KCNH7: variants seen among roughly 807,000 people sequenced by gnomAD.
KCNH7 encodes potassium voltage-gated channel subfamily H member 7, also known as voltage-gated inwardly rectifying potassium channel KCNH7.
In KCNH7, 49 loss-of-function variants were observed where a neutral mutation model predicts 120.8. The ratio of observed to expected loss-of-function variants is 0.41; its 90% CI spans 0.32 to 0.51. The LOEUF is 0.51. Among genes scored for constraint, KCNH7 ranks in the 20% least tolerant of loss-of-function variants. The probability of loss-of-function intolerance (pLI) is 0.38; values close to 1 mark genes in which losing one functional copy is unlikely to be tolerated. For synonymous variants in KCNH7, 547 were observed against 516.1 expected (o/e 1.06, Z -0.81); for missense variants, 1,097 against 1,446.6 (o/e 0.76, Z 3.92).
chr2:162,666,516 A>G lies in KCNH7; in HGVS notation c.308-129436T>C, dbSNP rs182977302. Reference sequence around the variant, plus strand: ...TGAAAACTTGATCTCTCCTGAGACTATTGTTCCCCTGCTATGTTCAAATAA... The same window carrying G: ...TGAAAACTTGATCTCTCCTGAGACTGTTGTTCCCCTGCTATGTTCAAATAA... On this transcript the variant is annotated intron_variant, in intron 2 of 15. Coordinates refer to ENST00000332142, the MANE Select transcript of KCNH7 (RefSeq NM_033272.4). 1.3e-3 allele frequency among the ~76,000 whole-genome samples: 201 copies of G among 152,134 alleles called. 1 individual carries two copies. The highest frequency in any genetic ancestry group is 5.4e-4 in the Non-Finnish European group (37 of 67,994).
In KCNH7 at chr2:162,504,660, A is replaced by G; in HGVS notation, c.914-3T>C. The stretch of plus-strand genomic sequence containing the variant: ...TGACTTGATATGATTAAAAGGCCCT[A>G]AAAAAATGGAAAGTATTTGTAAGAG... On this transcript the variant is annotated splice_polypyrimidine_tract_variant and splice_region_variant and intron_variant, in intron 5 of 15. Coordinates refer to ENST00000332142, the MANE Select transcript of KCNH7 (RefSeq NM_033272.4). 4 of 1,571,530 alleles carry G rather than the reference A, an allele frequency of 2.5e-6. No individual in the cohort carries two copies. The highest frequency in any genetic ancestry group is 3.5e-6 in the Non-Finnish European group (4 of 1,143,030).
At chr2:162,519,375 G>A (rs1470622440) in intron 3 of KCNH7, among the ~76,000 whole-genome samples, 1 of 151,734 alleles carries the variant, frequency 6.6e-6, no homozygotes, top group East Asian at 2.0e-4. Flanking sequence ...AAAAAAGCAA[G>A]TTTAAACTCC....
chr2:162,782,417 T>A (rs1482339089), intron 2 of KCNH7, among the ~76,000 whole-genome samples: 1 of 152,182 alleles, frequency 6.6e-6, no homozygotes, highest in Non-Finnish European at 1.5e-5. Flanking sequence ...GAATGAGTCA[T>A]GTGGCTATTT....
At chr2:162,768,704 A>G (rs950096381) in intron 2 of KCNH7, among the ~76,000 whole-genome samples, 3 of 152,114 alleles carry the variant, frequency 2.0e-5, no homozygotes. Context: ...TTTTCATAGG[A>G]TTTAGCCAGG....
intron 2 of KCNH7, among the ~76,000 whole-genome samples, chr2:162,832,657 G>T (rs1389092): frequency 0.6 from 91,195 of 151,834 alleles, 28,374 homozygotes; most frequent in South Asian, 0.84. Context: ...GCAGAGATCA[G>T]GTTGCATCTT....
chr2:162,741,724 T>C (rs1044635709), intron 2 of KCNH7, among the ~76,000 whole-genome samples: 74 of 152,138 alleles, frequency 4.9e-4, no homozygotes, highest in Non-Finnish European at 8.8e-5. Flanking sequence ...TATGTTTATG[T>C]AGAGTTTTAT....
chr2:162,463,785 T>TA (rs66479312), intron 6 of KCNH7, among the ~76,000 whole-genome samples: 45 of 123,698 alleles, frequency 3.6e-4, no homozygotes, highest in African/African-American at 7.2e-4. Flanking sequence ...GTTCAAATAA[T>TA]AAAAAAAAAC....
chr2:162,679,958 C>A lies in KCNH7; in HGVS notation c.308-142878G>T, dbSNP rs533999269. Among the ~76,000 whole-genome samples, 40 of 151,636 alleles carry A rather than the reference C, an allele frequency of 2.6e-4. 1 individual carries two copies. The highest frequency in any genetic ancestry group is 1.4e-3 in the Admixed American group (21 of 15,154). On this transcript the variant is annotated intron_variant, in intron 2 of 15. Transcript: ENST00000332142. ...TTTTGTTTTATAAAAGTGGAACACACGCCATATTTAAATCTGCTGCAGAAA... is the reference window on the plus strand; with the variant it reads ...TTTTGTTTTATAAAAGTGGAACACAAGCCATATTTAAATCTGCTGCAGAAA...
intron 2 of KCNH7, among the ~76,000 whole-genome samples, chr2:162,807,693 G>GT (rs996753888): frequency 6.6e-6 from 1 of 151,554 alleles, no homozygotes; most frequent in Non-Finnish European, 1.5e-5. Flanking sequence ...GTTTTGTTTT[G>GT]TTTTTTTGAG....
intron 2 of KCNH7, among the ~76,000 whole-genome samples, chr2:162,562,039 A>C (rs1048497836): frequency 2.6e-5 from 4 of 152,066 alleles, no homozygotes; most frequent in Non-Finnish European, 5.9e-5. Flanking sequence ...GGAGGGGATC[A>C]TCACACACCG....
At chr2:162,782,265 TTC>T (rs1683525840) in intron 2 of KCNH7, among the ~76,000 whole-genome samples, 1 of 152,118 alleles carries the variant, frequency 6.6e-6, no homozygotes, top group Non-Finnish European at 1.5e-5. Context: ...TAATATATTG[TTC>T]ATAGATAATG....
intron 2 of KCNH7, among the ~76,000 whole-genome samples, chr2:162,776,938 C>A (rs1683262795): frequency 6.6e-6 from 1 of 152,070 alleles, no homozygotes; most frequent in Non-Finnish European, 1.5e-5. Context: ...TATAAGCCCT[C>A]TAACAACTTT....
intron 3 of KCNH7, among the ~76,000 whole-genome samples, chr2:162,533,797 A>C (rs1692015251): frequency 6.6e-6 from 1 of 151,644 alleles, no homozygotes; most frequent in East Asian, 1.9e-4. Flanking sequence ...AAGGATATAG[A>C]AGACAGCATA....
chr2:162,671,504 A>G (rs1323190667), intron 2 of KCNH7, among the ~76,000 whole-genome samples: 2 of 152,086 alleles, frequency 1.3e-5, no homozygotes, highest in Non-Finnish European at 2.9e-5. Context: ...GAGGTAACCA[A>G]TGAGTACACA....
chr2:162,677,478 C>T lies in KCNH7; in HGVS notation c.308-140398G>A, dbSNP rs529590661. On this transcript the variant is annotated intron_variant, in intron 2 of 15. Transcript: ENST00000332142. Reference sequence around the variant, plus strand: ...TGCCGGCTTCTTTTATTCAGCATTACATTTGAGAGAGCCATCAATGCCACT... The same window carrying T: ...TGCCGGCTTCTTTTATTCAGCATTATATTTGAGAGAGCCATCAATGCCACT... Among the ~76,000 whole-genome samples, 50 of 151,528 alleles carry T rather than the reference C, an allele frequency of 3.3e-4. 1 individual carries two copies. Among genetic ancestry groups the T allele is most frequent in the Admixed American group, 2.2e-3 (34 of 15,140 alleles).
rs182712308 is a variant in KCNH7 at position 162,565,396 on chromosome 2, T to A, written c.308-28316A>T. On this transcript the variant is annotated intron_variant, in intron 2 of 15. Transcript: ENST00000332142. ...ATAATCTATTTAAATAAATTCTAAT[T>A]ATTTAGTATATACTCTTACTGGAAC... 3.3e-5 allele frequency among the ~76,000 whole-genome samples: 5 copies of A among 152,186 alleles called. No homozygotes were observed. The East Asian group carries it at 9.7e-4, about 29-fold the overall frequency.
chr2:162,802,614 A>C (rs1230267657), intron 2 of KCNH7, among the ~76,000 whole-genome samples: 2 of 151,790 alleles, frequency 1.3e-5, no homozygotes, highest in Admixed American at 1.3e-4. Context: ...TAGCTATAGC[A>C]AAAATGTAAA....
intron 2 of KCNH7, among the ~76,000 whole-genome samples, chr2:162,825,194 C>T (rs1685240222): frequency 6.6e-6 from 1 of 151,912 alleles, no homozygotes; most frequent in Non-Finnish European, 1.5e-5. Flanking sequence ...TTTTAAAATA[C>T]TGAAGCTGGT....
Position 162,821,747 on chromosome 2 carries a change from C to T in KCNH7, c.307+14790G>A, listed in dbSNP as rs549213245. 2.0e-5 allele frequency among the ~76,000 whole-genome samples: 3 copies of T among 152,268 alleles called. No homozygotes were observed. The South Asian group carries it at 6.2e-4, about 32-fold the overall frequency. ...TGTGGTGCTTATATTTGGACATTTACATCTACATACTTTCTTCAAAAGATA... is the reference window on the plus strand; with the variant it reads ...TGTGGTGCTTATATTTGGACATTTATATCTACATACTTTCTTCAAAAGATA... On this transcript the variant is annotated intron_variant, in intron 2 of 15. Coordinates refer to ENST00000332142, the MANE Select transcript of KCNH7 (RefSeq NM_033272.4).
Sources: gnomAD v4.1 joint callset for allele counts (sites outside exome capture counted in the v4.1 genomes callset) on GRCh38, gnomAD v4.1.1 for gene constraint, MANE v1.5 for transcripts, NCBI Gene and HGNC (gene_info 2026-07-23, HGNC 2026-07-21) for gene names.